YAP1: variants seen among roughly 807,000 people sequenced by gnomAD.
YAP1 encodes the protein transcriptional coactivator YAP1.
In YAP1, 5 loss-of-function variants were observed where a neutral mutation model predicts 56.9. The ratio of observed to expected loss-of-function variants is 0.09; its 90% CI spans 0.05 to 0.18. The LOEUF is 0.18. Ranked by LOEUF, YAP1 falls within the 10% of genes least tolerant of loss-of-function variation. YAP1 has a pLI of 1.00. For missense variants in YAP1, 539 were observed against 651.8 expected, an observed-to-expected ratio of 0.83 and a Z score of 1.88; for synonymous variants, 265 against 248.1, an observed-to-expected ratio of 1.07 and a Z score of -0.64.
chr11:102,135,121 A>G (rs1359755373), intron 2 of YAP1, among the ~76,000 whole-genome samples: 1 of 152,130 alleles, frequency 6.6e-6, no homozygotes, highest in African/African-American at 2.4e-5. Context: ...TGCCCACGTT[A>G]GCCTCCCAAA....
intron 2 of YAP1, among the ~76,000 whole-genome samples, chr11:102,158,096 A>G (rs1224285118): frequency 1.3e-5 from 2 of 152,210 alleles, no homozygotes; most frequent in Non-Finnish European, 2.9e-5. Context: ...CACAGGTACA[A>G]ACGATTTAAG....
At chr11:102,198,447 CTT>C (rs1292544323) in intron 4 of YAP1, among the ~76,000 whole-genome samples, 1 of 152,038 alleles carries the variant, frequency 6.6e-6, no homozygotes, top group East Asian at 1.9e-4. Context: ...TCATAAATAA[CTT>C]AATGTTATGT....
At chr11:102,201,440 A>G (rs1272463525) in intron 4 of YAP1, among the ~76,000 whole-genome samples, 1 of 152,190 alleles carries the variant, frequency 6.6e-6, no homozygotes, top group Non-Finnish European at 1.5e-5. Context: ...AAATAAAGCA[A>G]ATCTCTGAAA....
Position 102,230,736 on chromosome 11 carries a change from T to A in YAP1, c.*796T>A, listed in dbSNP as rs1474552279. 1 of 152,566 alleles carries A rather than the reference T, an allele frequency of 6.6e-6. No homozygotes were observed. The highest frequency in any genetic ancestry group is 1.5e-5 in the Non-Finnish European group (1 of 68,024). 9.5% of individuals were successfully genotyped at this position (152,566 alleles called of 1,614,324 possible). A position where few individuals can be genotyped will look rare whatever the true frequency, so the allele number is the denominator to read the frequency against. On this transcript the variant is annotated 3_prime_UTR_variant, in exon 9 of 9. Coordinates refer to ENST00000282441, the MANE Select transcript of YAP1 (RefSeq NM_001130145.3). ...TTGGTTTTGTCGGAACCTAGGCAAA[T>A]GACCATATTAGTGAATCTGTTAATA...
chr11:102,135,133 T>C (rs1023988233), intron 2 of YAP1, among the ~76,000 whole-genome samples: 1 of 152,204 alleles, frequency 6.6e-6, no homozygotes, highest in African/African-American at 2.4e-5. Context: ...CCTCCCAAAG[T>C]ACTGGGATTA....
chr11:102,196,294 G>A (rs1200862366), intron 4 of YAP1, among the ~76,000 whole-genome samples: 1 of 152,092 alleles, frequency 6.6e-6, no homozygotes, highest in African/African-American at 2.4e-5. Context: ...ATAATAAATA[G>A]CCAAAAAGTG....
At chr11:102,222,719 G>C (rs1471981546) in intron 6 of YAP1, among the ~76,000 whole-genome samples, 2 of 152,112 alleles carry the variant, frequency 1.3e-5, no homozygotes, top group African/African-American at 2.4e-5. Context: ...CTCCCTGCTA[G>C]AGGATGGAAC....
At chr11:102,141,807 G>A (rs1445215580) in intron 2 of YAP1, among the ~76,000 whole-genome samples, 1 of 152,154 alleles carries the variant, frequency 6.6e-6, no homozygotes, top group Non-Finnish European at 1.5e-5. Context: ...CCACCATTGT[G>A]TCTTATGCAC....
At chr11:102,154,793 C>T (rs1565208856) in intron 2 of YAP1, among the ~76,000 whole-genome samples, 2 of 152,272 alleles carry the variant, frequency 1.3e-5, no homozygotes, top group Non-Finnish European at 2.9e-5. Flanking sequence ...TAATTTAACA[C>T]CCAATGTGTT....
chr11:102,180,910 G>A (rs1032028090), intron 3 of YAP1, among the ~76,000 whole-genome samples: 9 of 152,072 alleles, frequency 5.9e-5, no homozygotes, highest in Admixed American at 1.3e-4. Context: ...ACTTTGGGAG[G>A]TCGAGGTGGG....
intron 3 of YAP1, among the ~76,000 whole-genome samples, chr11:102,184,743 A>C (rs1234510946): frequency 6.6e-6 from 1 of 152,142 alleles, no homozygotes; most frequent in Non-Finnish European, 1.5e-5. Context: ...GGAAGAAGGG[A>C]ATTGTTCTAT....
chr11:102,144,655 C>A (rs1945213351), intron 2 of YAP1, among the ~76,000 whole-genome samples: 1 of 152,126 alleles, frequency 6.6e-6, no homozygotes, highest in Non-Finnish European at 1.5e-5. Context: ...GATATGGCAT[C>A]TCATTTCTGC....
At chr11:102,194,105 T>A (rs1468039189) in intron 4 of YAP1, among the ~76,000 whole-genome samples, 1 of 152,208 alleles carries the variant, frequency 6.6e-6, no homozygotes, top group African/African-American at 2.4e-5. Context: ...GTGCCAAGCC[T>A]TTTACATAGT....
At chr11:102,164,290 C>T (rs1302409287) in intron 3 of YAP1, among the ~76,000 whole-genome samples, 2 of 152,150 alleles carry the variant, frequency 1.3e-5, no homozygotes. Flanking sequence ...ACCTTGGCCT[C>T]CCAAAGTGCT....
In YAP1 at chr11:102,154,998, T is replaced by G. The variant is rs116529168; in HGVS notation, c.573-7458T>G. 3.5e-3 allele frequency among the ~76,000 whole-genome samples: 526 copies of G among 152,320 alleles called. 2 individuals are homozygous for G. The highest frequency in any genetic ancestry group is 0.012 in the African/African-American group (491 of 41,570). ...TTGTTTTGCACAACACAGTAGGCAG[T>G]CAATAGGTGAAGTATTTGTTCCTGT... On this transcript the variant is annotated intron_variant, in intron 2 of 8. Transcript: ENST00000282441.
In YAP1 at chr11:102,180,344, C is replaced by G. The variant is rs142792810; in HGVS notation, c.689-5674C>G. Among the ~76,000 whole-genome samples the G allele has an allele frequency of 7.2e-5, 11 of 152,118 alleles. No individual in the cohort carries two copies. The East Asian group carries it at 1.4e-3, about 19-fold the overall frequency. On this transcript the variant is annotated intron_variant, in intron 3 of 8. Coordinates refer to ENST00000282441, the MANE Select transcript of YAP1 (RefSeq NM_001130145.3). ...AATGCAAAATATATACTCCTGTGTT[C>G]AGGAATTTCACAGTCTAGCCAGGAA...
chr11:102,185,991 ATT>A (rs34105163), intron 3 of YAP1, 25 bp from the exon 4 acceptor site: 946 of 1,351,878 alleles, frequency 7.0e-4, no homozygotes, highest in Admixed American at 1.1e-3. Flanking sequence ...AAAAACCATG[ATT>A]TTTTTTTTTT....
intron 4 of YAP1, among the ~76,000 whole-genome samples, chr11:102,204,217 GAC>G (rs1213706458): frequency 1.5e-4 from 19 of 127,112 alleles, no homozygotes; most frequent in Admixed American, 3.4e-4. Context: ...AACATAGTAA[GAC>G]AGAAAAGGGG....
At chr11:102,143,983 G>C (rs540958865) in intron 2 of YAP1, among the ~76,000 whole-genome samples, 1 of 152,168 alleles carries the variant, frequency 6.6e-6, no homozygotes, top group African/African-American at 2.4e-5. Flanking sequence ...TCATAAAGAC[G>C]TGTAAAGAAA....
Sources: gnomAD v4.1 joint callset for allele counts (sites outside exome capture counted in the v4.1 genomes callset) on GRCh38, gnomAD v4.1.1 for gene constraint, MANE v1.5 for transcripts, NCBI Gene and HGNC (gene_info 2026-07-23, HGNC 2026-07-21) for gene names.